DSE: variants seen among roughly 807,000 people sequenced by gnomAD.
DSE encodes the protein dermatan-sulfate epimerase.
Under a neutral mutation model 84.4 loss-of-function variants are expected in DSE, and 36 were observed. That is an observed-to-expected ratio of 0.43 (90% CI 0.33 to 0.56). The LOEUF (loss-of-function observed/expected upper bound fraction) is 0.56. Among genes scored for constraint, DSE ranks in the 20% least tolerant of loss-of-function variants. DSE has a pLI of 0.06. For synonymous variants in DSE, 410 were observed against 430.1 expected, an observed-to-expected ratio of 0.95 and a Z score of 0.58; for missense variants, 862 against 1,169.6, an observed-to-expected ratio of 0.74 and a Z score of 3.84.
chr6:116,320,863 A>C (rs932493783), intron 2 of DSE, among the ~76,000 whole-genome samples: 2 of 152,212 alleles, frequency 1.3e-5, no homozygotes, highest in African/African-American at 4.8e-5. Context: ...AACTACACTT[A>C]AACATTCTAA....
chr6:116,375,227 C>A (rs149542931), intron 1 of DSE, among the ~76,000 whole-genome samples: 1 of 146,740 alleles, frequency 6.8e-6, no homozygotes, highest in East Asian at 3.1e-4. Context: ...ATCGATGTAC[C>A]ATTTGATGAT....
Position 116,377,568 on chromosome 6 carries a change from A to G in DSE, c.-54+6447A>G, listed in dbSNP as rs1013309905. On this transcript the variant is annotated intron_variant, in intron 1 of 5. Transcript: ENST00000644252. ...ACTGACTAGAAATGGACACTTGTTT[A>G]TAGAGTAGTCCTTTAGACTGGGGTA... 7.9e-5 allele frequency among the ~76,000 whole-genome samples: 12 copies of G among 152,326 alleles called. No homozygotes were observed. The East Asian group carries it at 1.7e-3, about 22-fold the overall frequency.
intron 2 of DSE, among the ~76,000 whole-genome samples, chr6:116,418,855 T>C (rs1782894304): frequency 6.6e-6 from 1 of 152,194 alleles, no homozygotes; most frequent in South Asian, 2.1e-4. Context: ...ACAAGTAATC[T>C]CCTATCCAAA....
chr6:116,282,572 C>G (rs1302268860), intron 2 of DSE, among the ~76,000 whole-genome samples: 1 of 152,192 alleles, frequency 6.6e-6, no homozygotes, highest in Non-Finnish European at 1.5e-5. Flanking sequence ...ACTCTTCCTT[C>G]TCTTCTTGTC....
chr6:116,431,571 A>C (rs534289105), intron 4 of DSE, among the ~76,000 whole-genome samples: 4 of 152,294 alleles, frequency 2.6e-5, no homozygotes, highest in African/African-American at 9.6e-5. Context: ...ATCCCTGATC[A>C]ATCCTATTTT....
At position 116,433,523 on chromosome 6, in the gene DSE, G is replaced by T; in HGVS notation, c.1091G>T (p.Trp364Leu). ...GGAACACCATCCAAAGGGCAGCGCT[G>T]GTGCACTCTGCACACAGAATTTCTC... ...GPGTPSKGQR[W>L]CTLHTEFLWY... The change falls in exon 5 of 6, where the codon TGG becomes TTG. Residue 364 changes from tryptophan to leucine, a missense_variant. This residue lies in a region of DSE where 309 missense variants were observed against 516.9 expected (regional missense o/e 0.60). Transcript: ENST00000644252. 6.3e-7 allele frequency: 1 copy of T among 1,579,048 alleles called. No homozygotes were observed. The highest frequency in any genetic ancestry group is 8.6e-7 in the Non-Finnish European group (1 of 1,160,716).
chr6:116,346,235 T>C (rs1190743519), intron 2 of DSE, among the ~76,000 whole-genome samples: 1 of 152,100 alleles, frequency 6.6e-6, no homozygotes, highest in African/African-American at 2.4e-5. Context: ...TTCCAATCAA[T>C]AGAAAAAGTG....
chr6:116,430,602 C>G (rs577361909), intron 3 of DSE, among the ~76,000 whole-genome samples: 3 of 151,748 alleles, frequency 2.0e-5, no homozygotes, highest in Non-Finnish European at 4.4e-5. Flanking sequence ...AGTGCAGTGG[C>G]GCGATCTCCG....
intron 1 of DSE, among the ~76,000 whole-genome samples, chr6:116,390,453 G>T (rs1264735026): frequency 6.6e-6 from 1 of 152,048 alleles, no homozygotes; most frequent in Non-Finnish European, 1.5e-5. Flanking sequence ...CTTGGGTAAG[G>T]AATTGATATT....
chr6:116,273,069 T>C (rs1772951951), intron 2 of DSE, among the ~76,000 whole-genome samples: 1 of 152,174 alleles, frequency 6.6e-6, no homozygotes, highest in Non-Finnish European at 1.5e-5. Context: ...ATCCCTACAT[T>C]ATGGATAAGG....
chr6:116,322,963 C>G (rs1409362241), intron 2 of DSE, among the ~76,000 whole-genome samples: 1 of 152,118 alleles, frequency 6.6e-6, no homozygotes, highest in Non-Finnish European at 1.5e-5. Flanking sequence ...TGTGGGAAGT[C>G]CTCCCCTAAC....
chr6:116,399,757 A>G, intron 2 of DSE, 91 bp downstream of exon 2: 1 of 1,284,360 alleles, frequency 7.8e-7, no homozygotes, highest in Non-Finnish European at 1.1e-6. Context: ...ATCTTCATGT[A>G]CCTCTTTGTG....
chr6:116,288,029 C>G (rs536618679), intron 2 of DSE: 2 of 152,118 alleles, frequency 1.3e-5, no homozygotes, highest in South Asian at 4.1e-4. Context: ...ATGTATTTTT[C>G]TCAGACAAGT....
At chr6:116,286,120 C>G (rs1336967275) in intron 2 of DSE, among the ~76,000 whole-genome samples, 1 of 152,126 alleles carries the variant, frequency 6.6e-6, no homozygotes, top group Non-Finnish European at 1.5e-5. Context: ...GCAGTATGGC[C>G]ATTTTCAGGA....
intron 2 of DSE, among the ~76,000 whole-genome samples, chr6:116,314,175 G>A (rs556796083): frequency 6.6e-6 from 1 of 152,084 alleles, no homozygotes; most frequent in Admixed American, 6.5e-5. Context: ...TCACAATAAG[G>A]ATAAGAGATT....
At chr6:116,361,625 C>A (rs917103179) in intron 2 of DSE, among the ~76,000 whole-genome samples, 1 of 152,116 alleles carries the variant, frequency 6.6e-6, no homozygotes, top group Non-Finnish European at 1.5e-5. Context: ...CACTGTACTC[C>A]AGCCTGGGCA....
chr6:116,360,532 C>G (rs935975424), intron 2 of DSE, among the ~76,000 whole-genome samples: 1 of 152,072 alleles, frequency 6.6e-6, no homozygotes, highest in African/African-American at 2.4e-5. Context: ...ACCATTATCC[C>G]TCTTTAAATA....
At chr6:116,344,900 C>T (rs1374169922) in intron 2 of DSE, among the ~76,000 whole-genome samples, 1 of 152,014 alleles carries the variant, frequency 6.6e-6, no homozygotes, top group Non-Finnish European at 1.5e-5. Flanking sequence ...CAGAGACACA[C>T]ATAGGCTCAA....
chr6:116,315,331 T>G lies in DSE; in HGVS notation c.-54+56364T>G, dbSNP rs1013606537. Among the ~76,000 whole-genome samples the G allele has an allele frequency of 1.7e-4, 16 of 93,852 alleles. No individual in the cohort carries two copies. In the South Asian group the frequency reaches 3.9e-3, roughly 23 times the overall value. The allele number at this position is 93,852 out of a possible 152,430, so 61.6% of individuals were successfully genotyped here. A position where few individuals can be genotyped will look rare whatever the true frequency, so the allele number is the denominator to read the frequency against. ...CCTATTGTCTCATCACCTTCTGAGA[T>G]ATATATATATATATATATTCTTTTG... On this transcript the variant is annotated intron_variant, in intron 2 of 3. Transcript: ENST00000430252.
Sources: allele counts gnomAD v4.1 joint callset (sites outside exome capture counted in the v4.1 genomes callset), GRCh38; gene constraint gnomAD v4.1.1; regional missense constraint gnomAD v4.1.1; transcripts MANE v1.5; gene names NCBI Gene and HGNC (gene_info 2026-07-23, HGNC 2026-07-21).